The following CORO2B variants were observed in gnomAD, a reference collection of about 807,000 sequenced individuals.
CORO2B encodes coronin 2B, also known as coronin-2B.
In CORO2B, 26 loss-of-function variants were observed where a neutral mutation model predicts 58.8. The observed-to-expected ratio is 0.44, with a 90% CI of 0.32 to 0.61. CORO2B has a LOEUF of 0.61. Among genes scored for constraint, CORO2B ranks in the 20% least tolerant of loss-of-function variants. The pLI, the probability that CORO2B is intolerant of heterozygous loss-of-function variation, is 0.04. For missense variants in CORO2B, 460 were observed against 645.1 expected, an observed-to-expected ratio of 0.71 and a Z score of 3.11; for synonymous variants, 242 against 253.8, an observed-to-expected ratio of 0.95 and a Z score of 0.44.
the CORO2B span, among the ~76,000 whole-genome samples, chr15:68,572,245 T>C: frequency 1.6e-4 from 24 of 152,272 alleles, no homozygotes; most frequent in African/African-American, 5.8e-4. Flanking sequence ...GTGCAGGAAG[T>C]CCAGGATGGT....
chr15:68,665,414 T>G lies in CORO2B; in HGVS notation c.216+20054T>G, dbSNP rs115447447. Among the ~76,000 whole-genome samples, 1,406 of 152,168 alleles carry G rather than the reference T, an allele frequency of 9.2e-3. 19 individuals carry two copies. The highest frequency in any genetic ancestry group is 0.032 in the African/African-American group (1,335 of 41,556). ...TAATATGTTTTAATATCAACAGGGA[T>G]AGTCACCACTCATTGTGGTCTTTTC... On this transcript the variant is annotated intron_variant, in intron 2 of 11. Coordinates refer to ENST00000261861, the MANE Select transcript of CORO2B (RefSeq NM_006091.5).
intron 1 of CORO2B, among the ~76,000 whole-genome samples, chr15:68,587,051 C>T (rs1165757634): frequency 1.1e-4 from 1 of 8,734 alleles, no homozygotes; most frequent in Non-Finnish European, 2.0e-4. Flanking sequence ...GATATGTATA[C>T]ACACACACAC....
the CORO2B span, among the ~76,000 whole-genome samples, chr15:68,568,392 A>G: frequency 2.0e-5 from 3 of 151,942 alleles, no homozygotes; most frequent in African/African-American, 7.3e-5. Flanking sequence ...GCTGGCTACC[A>G]TTTTCATCAT....
chr15:68,624,752 G>A (rs1542747), intron 1 of CORO2B, among the ~76,000 whole-genome samples: 2 of 151,956 alleles, frequency 1.3e-5, no homozygotes, highest in Non-Finnish European at 2.9e-5. Context: ...GAGTGCAATG[G>A]CATGATCTCG....
chr15:68,531,983 T>A, the CORO2B span, among the ~76,000 whole-genome samples: 1 of 152,116 alleles, frequency 6.6e-6, no homozygotes, highest in African/African-American at 2.4e-5. Context: ...CTTAAAAATG[T>A]CTTTCATTGT....
chr15:68,592,046 G>A (rs1179500701), intron 1 of CORO2B, among the ~76,000 whole-genome samples: 1 of 152,130 alleles, frequency 6.6e-6, no homozygotes, highest in Non-Finnish European at 1.5e-5. Context: ...ATGCTGCCCA[G>A]CCTTGGGCCC....
intron 1 of CORO2B, among the ~76,000 whole-genome samples, chr15:68,600,462 C>T (rs1004375021): frequency 5.3e-5 from 8 of 152,304 alleles, no homozygotes; most frequent in African/African-American, 9.6e-5. Context: ...GGATAACCAC[C>T]GCTGCCCTCC....
At chr15:68,646,640 C>T (rs1035559840) in intron 2 of CORO2B, among the ~76,000 whole-genome samples, 10 of 152,144 alleles carry the variant, frequency 6.6e-5, no homozygotes, top group Non-Finnish European at 1.3e-4. Flanking sequence ...GACTTGGGAC[C>T]GTGTGCATGT....
At chr15:68,635,644 C>T (rs186910717) in intron 1 of CORO2B, among the ~76,000 whole-genome samples, 38 of 152,270 alleles carry the variant, frequency 2.5e-4, no homozygotes, top group Non-Finnish European at 1.9e-4. Context: ...TGACAGGATA[C>T]GGTTCCTTGA....
chr15:68,590,631 A>G (rs1315008191), intron 1 of CORO2B, among the ~76,000 whole-genome samples: 1 of 152,146 alleles, frequency 6.6e-6, no homozygotes. Flanking sequence ...AGAACCCACT[A>G]TAGAATTCCC....
rs77098750 is a variant in CORO2B at position 68,658,319 on chromosome 15, G to A, written c.216+12959G>A. ...GTTCAATGGAGGAGGAGGGCGAGAT[G>A]CATGGTGCTCTCCAAAGCGACAGCT... On this transcript the variant is annotated intron_variant, in intron 2 of 11. Coordinates refer to ENST00000261861, the MANE Select transcript of CORO2B (RefSeq NM_006091.5). Among the ~76,000 whole-genome samples, 30 of 152,356 alleles carry A rather than the reference G, an allele frequency of 2.0e-4. No homozygotes were observed. The East Asian group carries it at 5.6e-3, about 28-fold the overall frequency.
At chr15:68,522,831 AT>A in the CORO2B span, among the ~76,000 whole-genome samples, 1 of 152,018 alleles carries the variant, frequency 6.6e-6, no homozygotes, top group Admixed American at 6.5e-5. Flanking sequence ...ATATGGGTTT[AT>A]TTTTCCTGCG....
At position 68,666,520 on chromosome 15, in the gene CORO2B, CTCTT is replaced by C. The variant is rs1203850788; in HGVS notation, c.216+21168_216+21171del. Among the ~76,000 whole-genome samples, 4 of 152,190 alleles carry C rather than the reference CTCTT, an allele frequency of 2.6e-5. No individual in the cohort carries two copies. In the East Asian group the frequency reaches 7.7e-4, roughly 29 times the overall value. On this transcript the variant is annotated intron_variant, in intron 2 of 11. Coordinates refer to ENST00000261861, the MANE Select transcript of CORO2B (RefSeq NM_006091.5). The stretch of plus-strand genomic sequence containing the variant: ...CTGACAGCTGGCGGGAATTTCCTTT[CTCTT>C]TCTTTCTGTCTACTACTCCTTCCCT...
intron 2 of CORO2B, among the ~76,000 whole-genome samples, chr15:68,660,458 C>A (rs924764097): frequency 6.6e-6 from 1 of 152,102 alleles, no homozygotes; most frequent in East Asian, 1.9e-4. Context: ...GTAGCCTCAA[C>A]GTCCTGGGCT....
intron 1 of CORO2B, among the ~76,000 whole-genome samples, chr15:68,613,319 T>A (rs1900282055): frequency 6.6e-6 from 1 of 152,214 alleles, no homozygotes; most frequent in Non-Finnish European, 1.5e-5. Flanking sequence ...AAAACAAATC[T>A]TCAAACCCAG....
chr15:68,695,888 T>G, intron 3 of CORO2B, among the ~76,000 whole-genome samples: 1 of 148,650 alleles, frequency 6.7e-6, no homozygotes, highest in Non-Finnish European at 1.5e-5. Context: ...ATAGGAGAAA[T>G]AGAGATAGGA....
chr15:68,726,176 A>T lies in CORO2B; in HGVS notation c.*202A>T, dbSNP rs1414059108. 1 of 614,192 alleles carries T rather than the reference A, an allele frequency of 1.6e-6. No individual in the cohort carries two copies. The highest frequency in any genetic ancestry group is 2.7e-6 in the Non-Finnish European group (1 of 373,468). The allele number at this position is 614,192 out of a possible 1,614,324, so 38.0% of individuals were successfully genotyped here. A position where few individuals can be genotyped will look rare whatever the true frequency, so the allele number is the denominator to read the frequency against. On this transcript the variant is annotated 3_prime_UTR_variant, in exon 12 of 12. Coordinates refer to ENST00000261861, the MANE Select transcript of CORO2B (RefSeq NM_006091.5). ...TAATAAAAGTCCCCAGCTTCTGGAG[A>T]CCCCCTGCCGGCAGCCCCTTTCCCT...
intron 3 of CORO2B, among the ~76,000 whole-genome samples, chr15:68,701,306 T>A (rs968376165): frequency 7.0e-6 from 1 of 142,416 alleles, no homozygotes; most frequent in African/African-American, 3.0e-5. Flanking sequence ...AGTTTCTTTT[T>A]TTTCTTTTTT....
the CORO2B span, among the ~76,000 whole-genome samples, chr15:68,535,761 C>A: frequency 3.0e-3 from 450 of 152,224 alleles, 1 homozygote; most frequent in African/African-American, 0.01. Context: ...CATCTACAAG[C>A]AGTATGTAGG....
Sources: gnomAD v4.1 joint callset for allele counts (sites outside exome capture counted in the v4.1 genomes callset) on GRCh38, gnomAD v4.1.1 for gene constraint, MANE v1.5 for transcripts, NCBI Gene and HGNC (gene_info 2026-07-23, HGNC 2026-07-21) for gene names.